The following KRTAP2-4 variants were observed in gnomAD, a reference collection of about 807,000 sequenced individuals.
KRTAP2-4 encodes keratin associated protein 2-4, also known as keratin-associated protein 2-4.
A neutral mutation model predicts 11.5 loss-of-function variants in KRTAP2-4; 7 were observed. The ratio of observed to expected loss-of-function variants is 0.61; its 90% CI spans 0.35 to 1.15. The LOEUF is 1.15. Among genes scored for constraint, KRTAP2-4 ranks in the 50% most tolerant of loss-of-function variants. The probability of loss-of-function intolerance (pLI) is 0.03; values close to 1 mark genes in which losing one functional copy is unlikely to be tolerated. For missense variants in KRTAP2-4, 93 were observed against 183.2 expected (o/e 0.51, Z 2.84); for synonymous variants, 49 against 77.9 (o/e 0.63, Z 1.96).
rs577950684 is a variant in KRTAP2-4 at position 41,065,161 on chromosome 17, A to G, written c.*298T>C. ...TTGACAACAGTGAGCAACACATTGC[A>G]AAAGATGATGGTGACAGTTTGAGCA... On this transcript the variant is annotated 3_prime_UTR_variant, in exon 1 of 1. Transcript: ENST00000394015. 28 of 543,106 alleles carry G rather than the reference A, an allele frequency of 5.2e-5. No individual in the cohort carries two copies. The South Asian group carries it at 6.4e-4, about 12-fold the overall frequency. The allele number at this position is 543,106 out of a possible 1,614,324, so 33.6% of individuals were successfully genotyped here.
chr17:41,065,287 T>C lies in KRTAP2-4; in HGVS notation c.*172A>G, dbSNP rs1368221696. On this transcript the variant is annotated 3_prime_UTR_variant, in exon 1 of 1. Transcript: ENST00000394015. Reference sequence around the variant, plus strand: ...AATGACTAAGGCTGATGTAGACACCTGAAAATGTGGGTGAGGGTGGTAATG... The same window carrying C: ...AATGACTAAGGCTGATGTAGACACCCGAAAATGTGGGTGAGGGTGGTAATG... 4 of 1,211,324 alleles carry C rather than the reference T, an allele frequency of 3.3e-6. No homozygotes were observed. Among genetic ancestry groups the C allele is most frequent in the Admixed American group, 5.8e-5 (2 of 34,688 alleles). The allele number at this position is 1,211,324 out of a possible 1,614,324, so 75.0% of individuals were successfully genotyped here. A position where few individuals can be genotyped will look rare whatever the true frequency, so the allele number is the denominator to read the frequency against.
Position 41,065,706 on chromosome 17 carries a change from A to G in KRTAP2-4, c.140T>C (p.Val47Ala), listed in dbSNP as rs1274626636. The stretch of plus-strand genomic sequence containing the variant: ...GCAGATGGGGCGCGTGCAGCGGGGC[A>G]CGCAGGTCACGGGGCGGCACACGGT... ...QTTVCRPVTC[V>A]PRCTRPICEP... The change falls in exon 1 of 1, where the codon GTG (valine) becomes GCG (alanine). Residue 47 changes from valine (V) to alanine (A), a missense_variant. Physicochemically the swap from Val to Ala is moderately conservative, Grantham distance 64. Coordinates refer to ENST00000394015, the MANE Select transcript of KRTAP2-4 (RefSeq NM_033184.4). The G allele has an allele frequency of 2.0e-6, 3 of 1,481,308 alleles. No homozygotes were observed. The highest frequency in any genetic ancestry group is 2.7e-6 in the Non-Finnish European group (3 of 1,118,614). The allele number at this position is 1,481,308 out of a possible 1,614,324, so 91.8% of individuals were successfully genotyped here.
At position 41,065,545 on chromosome 17, in the gene KRTAP2-4, G is replaced by A. The variant is rs911563500; in HGVS notation, c.301C>T (p.Pro101Ser). The A allele has an allele frequency of 6.5e-7, 1 of 1,536,118 alleles. No homozygotes were observed. Among genetic ancestry groups the A allele is most frequent in the Non-Finnish European group, 8.7e-7 (1 of 1,144,128 alleles). ...PCCWATTCCQ[P>S]VSVQSPCCRP... ...CAGCAGGGGGACTGCACAGACACAG[G>A]CTGGCAGCAGGTGGTGGCCCAGCAG... The change falls in exon 1 of 1, where the codon CCT becomes TCT. Residue 101 changes from proline (P) to serine (S), a missense_variant. Pro to Ser is a moderately conservative substitution (Grantham distance 74, BLOSUM62 -1). Transcript: ENST00000394015.
At position 41,065,165 on chromosome 17, in the gene KRTAP2-4, G is replaced by T; in HGVS notation, c.*294C>A. On this transcript the variant is annotated 3_prime_UTR_variant, in exon 1 of 1. Transcript: ENST00000394015. ...CAACAGTGAGCAACACATTGCAAAAGATGATGGTGACAGTTTGAGCAGTAA... is the reference window on the plus strand; with the variant it reads ...CAACAGTGAGCAACACATTGCAAAATATGATGGTGACAGTTTGAGCAGTAA... 2 of 550,296 alleles carry T rather than the reference G, an allele frequency of 3.6e-6. No homozygotes were observed. The highest frequency in any genetic ancestry group is 3.1e-6 in the Non-Finnish European group (1 of 320,512). 34.1% of individuals were successfully genotyped at this position (550,296 alleles called of 1,614,324 possible).
In KRTAP2-4 at chr17:41,065,378, AT is replaced by A; in HGVS notation, c.*80del. 4.7e-6 allele frequency: 7 copies of A among 1,495,630 alleles called. No individual in the cohort carries two copies. Among genetic ancestry groups the A allele is most frequent in the Non-Finnish European group, 5.4e-6 (6 of 1,117,330 alleles). 92.6% of individuals were successfully genotyped at this position (1,495,630 alleles called of 1,614,324 possible). On this transcript the variant is annotated 3_prime_UTR_variant, in exon 1 of 1. Transcript: ENST00000394015. ...CACTATTGTCACCTTGTGAAAAAAA[AT>A]CTATTTTTCTTTTAACTTTTTAAAA...
rs2013255490 is a variant in KRTAP2-4 at position 41,065,395 on chromosome 17, C to CT, written c.*63dup. ...GAAAAAAAATCTATTTTTCTTTTAA[C>CT]TTTTTAAAAACACCAGATAGATGTT... On this transcript the variant is annotated 3_prime_UTR_variant, in exon 1 of 1. Coordinates refer to ENST00000394015, the MANE Select transcript of KRTAP2-4 (RefSeq NM_033184.4). 2.0e-6 allele frequency: 3 copies of CT among 1,511,086 alleles called. No individual in the cohort carries two copies. The highest frequency in any genetic ancestry group is 2.7e-6 in the Non-Finnish European group (3 of 1,125,904). The allele number at this position is 1,511,086 out of a possible 1,614,324, so 93.6% of individuals were successfully genotyped here.
Position 41,065,842 on chromosome 17 carries a change from T to G in KRTAP2-4, c.4A>C (p.Thr2Pro). 1.3e-6 allele frequency: 2 copies of G among 1,534,082 alleles called. No homozygotes were observed. The highest frequency in any genetic ancestry group is 2.4e-5 in the South Asian group (2 of 83,474). M[T>P]GSCCGSTLSS... ...AAGGTGGAGCCGCAGCAGGAGCCGG[T>G]CATGGTGGTGTCTGAGGCTGGTGTG... Residue 2 changes from threonine to proline, a missense_variant, in exon 1 of 1, where the codon ACC becomes CCC. Transcript: ENST00000394015.
Position 41,065,423 on chromosome 17 carries a change from G to A in KRTAP2-4, c.*36C>T. ...TTTAAAAACACCAGATAGATGTTTAGGCTTCAGTGTATTGCTCTGTGGGGG... is the reference window on the plus strand; with the variant it reads ...TTTAAAAACACCAGATAGATGTTTAAGCTTCAGTGTATTGCTCTGTGGGGG... On this transcript the variant is annotated 3_prime_UTR_variant, in exon 1 of 1. Coordinates refer to ENST00000394015, the MANE Select transcript of KRTAP2-4 (RefSeq NM_033184.4). 6.4e-7 allele frequency: 1 copy of A among 1,568,766 alleles called. No homozygotes were observed. Among genetic ancestry groups the A allele is most frequent in the Non-Finnish European group, 8.6e-7 (1 of 1,156,098 alleles).
At position 41,065,210 on chromosome 17, in the gene KRTAP2-4, T is replaced by C. The variant is rs1394406648; in HGVS notation, c.*249A>G. 3.0e-6 allele frequency: 2 copies of C among 657,328 alleles called. No individual in the cohort carries two copies. Among genetic ancestry groups the C allele is most frequent in the Non-Finnish European group, 5.0e-6 (2 of 402,402 alleles). 40.7% of individuals were successfully genotyped at this position (657,328 alleles called of 1,614,324 possible). A position where few individuals can be genotyped will look rare whatever the true frequency, so the allele number is the denominator to read the frequency against. Reference sequence around the variant, plus strand: ...CAGTAAAAACCATCAGGTTGTAGAATGTGTTTGCAAAGTCCACCCCAGGAA... The same window carrying C: ...CAGTAAAAACCATCAGGTTGTAGAACGTGTTTGCAAAGTCCACCCCAGGAA... On this transcript the variant is annotated 3_prime_UTR_variant, in exon 1 of 1. Transcript: ENST00000394015.
chr17:41,065,267 C>T lies in KRTAP2-4; in HGVS notation c.*192G>A, dbSNP rs1173200605. On this transcript the variant is annotated 3_prime_UTR_variant, in exon 1 of 1. Transcript: ENST00000394015. Reference sequence around the variant, plus strand: ...AAGGTCGATTTACTATCCATAATGACTAAGGCTGATGTAGACACCTGAAAA... The same window carrying T: ...AAGGTCGATTTACTATCCATAATGATTAAGGCTGATGTAGACACCTGAAAA... The T allele has an allele frequency of 9.5e-7, 1 of 1,051,842 alleles. No homozygotes were observed. The highest frequency in any genetic ancestry group is 1.6e-5 in the African/African-American group (1 of 62,634). 65.2% of individuals were successfully genotyped at this position (1,051,842 alleles called of 1,614,324 possible).
At position 41,065,457 on chromosome 17, in the gene KRTAP2-4, T is replaced by C; in HGVS notation, c.*2A>G. 1 of 1,584,758 alleles carries C rather than the reference T, an allele frequency of 6.3e-7. No homozygotes were observed. The highest frequency in any genetic ancestry group is 1.8e-5 in the Admixed American group (1 of 55,510). On this transcript the variant is annotated 3_prime_UTR_variant, in exon 1 of 1. Transcript: ENST00000394015. The stretch of plus-strand genomic sequence containing the variant: ...GTATTGCTCTGTGGGGGCATTGGGG[T>C]CTCAGCAGGAGGAGGTCCTGCAGGT...
Position 41,065,651 on chromosome 17 carries a change from G to T in KRTAP2-4, c.195C>A (p.Asp65Glu), listed in dbSNP as rs1472491725. 9 of 1,480,896 alleles carry T rather than the reference G, an allele frequency of 6.1e-6. No homozygotes were observed. The highest frequency in any genetic ancestry group is 1.4e-5 in the African/African-American group (1 of 71,758). 91.7% of individuals were successfully genotyped at this position (1,480,896 alleles called of 1,614,324 possible). A position where few individuals can be genotyped will look rare whatever the true frequency, so the allele number is the denominator to read the frequency against. ...AGCAGCCTTCCTGCAGGGAGCAGGGGTCGCAGCACACCGGGCGGCGGCAGG... is the reference window on the plus strand; with the variant it reads ...AGCAGCCTTCCTGCAGGGAGCAGGGTTCGCAGCACACCGGGCGGCGGCAGG... ...CEPCRRPVCCDPCSLQEGCCR... is the reference protein window; with the variant it reads ...CEPCRRPVCCEPCSLQEGCCR... Residue 65 changes from aspartate to glutamate, a missense_variant, in exon 1 of 1, where the codon GAC becomes GAA. Physicochemically the swap from Asp to Glu is conservative, Grantham distance 45. Transcript: ENST00000394015.
In KRTAP2-4 at chr17:41,065,406, C is replaced by T. The variant is rs2013255653; in HGVS notation, c.*53G>A. On this transcript the variant is annotated 3_prime_UTR_variant, in exon 1 of 1. Transcript: ENST00000394015. ...TATTTTTCTTTTAACTTTTTAAAAACACCAGATAGATGTTTAGGCTTCAGT... is the reference window on the plus strand; with the variant it reads ...TATTTTTCTTTTAACTTTTTAAAAATACCAGATAGATGTTTAGGCTTCAGT... 6.5e-7 allele frequency: 1 copy of T among 1,531,686 alleles called. No homozygotes were observed. Among genetic ancestry groups the T allele is most frequent in the Non-Finnish European group, 8.8e-7 (1 of 1,137,056 alleles). 94.9% of individuals were successfully genotyped at this position (1,531,686 alleles called of 1,614,324 possible). A position where few individuals can be genotyped will look rare whatever the true frequency, so the allele number is the denominator to read the frequency against.
At position 41,065,567 on chromosome 17, in the gene KRTAP2-4, G is replaced by A. The variant is rs931536315; in HGVS notation, c.279C>T (p.Cys93=). The change falls in exon 1 of 1, where the codon TGC becomes TGT. Residue 93 remains cysteine, a synonymous_variant. Coordinates refer to ENST00000394015, the MANE Select transcript of KRTAP2-4 (RefSeq NM_033184.4). ...CAGGCTGGCAGCAGGTGGTGGCCCA[G>A]CAGCAGGGCCTGCACACCACAGCCG... ...SCTAVVCRPC[C]WATTCCQPVS... The A allele has an allele frequency of 5.2e-6, 8 of 1,530,574 alleles. No homozygotes were observed. The highest frequency in any genetic ancestry group is 7.0e-6 in the Non-Finnish European group (8 of 1,142,104). The allele number at this position is 1,530,574 out of a possible 1,614,324, so 94.8% of individuals were successfully genotyped here.
rs561982536 is a variant in KRTAP2-4, at chr17:41,065,353, C to T, written c.*106G>A. On this transcript the variant is annotated 3_prime_UTR_variant, in exon 1 of 1. Coordinates refer to ENST00000394015, the MANE Select transcript of KRTAP2-4 (RefSeq NM_033184.4). ...CAGGCTGTATCCAGATGGTAAAAAT[C>T]ACTATTGTCACCTTGTGAAAAAAAA... The T allele has an allele frequency of 2.0e-6, 3 of 1,467,496 alleles. No homozygotes were observed. In the South Asian group the frequency reaches 4.2e-5, roughly 21 times the overall value. The allele number at this position is 1,467,496 out of a possible 1,614,324, so 90.9% of individuals were successfully genotyped here.
Position 41,065,823 on chromosome 17 carries a change from G to A in KRTAP2-4, c.23C>T (p.Ser8Phe), listed in dbSNP as rs2013272241. MTGSCCG[S>F]TLSSLSYGGG... ...CCCGTAGCTCAGGGAGGACAAGGTG[G>A]AGCCGCAGCAGGAGCCGGTCATGGT... Residue 8 changes from serine to phenylalanine, a missense_variant, in exon 1 of 1, where the codon TCC (serine) becomes TTC (phenylalanine). Physicochemically the swap from Ser to Phe is radical, Grantham distance 155. Coordinates refer to ENST00000394015, the MANE Select transcript of KRTAP2-4 (RefSeq NM_033184.4). The A allele has an allele frequency of 4.6e-6, 7 of 1,531,472 alleles. No homozygotes were observed. The South Asian group carries it at 7.2e-5, about 16-fold the overall frequency. 94.9% of individuals were successfully genotyped at this position (1,531,472 alleles called of 1,614,324 possible).
rs2013252454 is a variant in KRTAP2-4, at chr17:41,065,304, G to A, written c.*155C>T. On this transcript the variant is annotated 3_prime_UTR_variant, in exon 1 of 1. Transcript: ENST00000394015. ...TAGACACCTGAAAATGTGGGTGAGG[G>A]TGGTAATGGACGTCTGCTTACACCA... is the stretch of plus-strand genomic sequence containing the variant. 2 of 1,287,938 alleles carry A rather than the reference G, an allele frequency of 1.6e-6. No homozygotes were observed. The highest frequency in any genetic ancestry group is 5.6e-5 in the Admixed American group (2 of 35,628). 79.8% of individuals were successfully genotyped at this position (1,287,938 alleles called of 1,614,324 possible). A position where few individuals can be genotyped will look rare whatever the true frequency, so the allele number is the denominator to read the frequency against.
rs2013250097 is a variant in KRTAP2-4, at chr17:41,065,206, A to G, written c.*253T>C. On this transcript the variant is annotated 3_prime_UTR_variant, in exon 1 of 1. Coordinates refer to ENST00000394015, the MANE Select transcript of KRTAP2-4 (RefSeq NM_033184.4). ...TGAGCAGTAAAAACCATCAGGTTGTAGAATGTGTTTGCAAAGTCCACCCCA... is the reference window on the plus strand; with the variant it reads ...TGAGCAGTAAAAACCATCAGGTTGTGGAATGTGTTTGCAAAGTCCACCCCA... 1.6e-6 allele frequency: 1 copy of G among 644,214 alleles called. No individual in the cohort carries two copies. Among genetic ancestry groups the G allele is most frequent in the African/African-American group, 1.8e-5 (1 of 54,804 alleles). The allele number at this position is 644,214 out of a possible 1,614,324, so 39.9% of individuals were successfully genotyped here. A position where few individuals can be genotyped will look rare whatever the true frequency, so the allele number is the denominator to read the frequency against.
rs1372874372 is a variant in KRTAP2-4, at chr17:41,065,772, C to T, written c.74G>A (p.Cys25Tyr). ...GGGGCGGCAGCAGCAGGGGTCGCGG[C>T]AGCAGCAGGGCTGGCAGCAGCCTCC... ...YGGGCCQPCC[C>Y]RDPCCCRPVT... is the part of the protein sequence containing the mutation. Residue 25 changes from cysteine to tyrosine, a missense_variant, in exon 1 of 1, where the codon TGC (cysteine) becomes TAC (tyrosine). By Grantham distance (194) the Cys-to-Tyr change is radical (BLOSUM62 -2). Transcript: ENST00000394015. The T allele has an allele frequency of 4.6e-6, 7 of 1,528,050 alleles. No homozygotes were observed. The East Asian group carries it at 1.2e-4, about 27-fold the overall frequency. The allele number at this position is 1,528,050 out of a possible 1,614,324, so 94.7% of individuals were successfully genotyped here.
Sources: gnomAD v4.1 joint callset for allele counts on GRCh38, gnomAD v4.1.1 for gene constraint, MANE v1.5 for transcripts, NCBI Gene and HGNC (gene_info 2026-07-23, HGNC 2026-07-21) for gene names.